Variants in CCDC91 observed in about 807,000 individuals in gnomAD.
CCDC91 encodes the protein coiled-coil domain containing 91, also known as coiled-coil domain-containing protein 91.
CCDC91 carries 48 observed loss-of-function variants against 63.2 expected under a neutral mutation model. The ratio of observed to expected loss-of-function variants is 0.76; its 90% confidence interval spans 0.60 to 0.97. The LOEUF is 0.97. Ranked by LOEUF, CCDC91 falls within the 50% of genes least tolerant of loss-of-function variation. The pLI, the probability that CCDC91 is intolerant of heterozygous loss-of-function variation, is 0.00. For missense variants in CCDC91, 500 were observed against 494.6 expected (o/e 1.01, Z -0.10); for synonymous variants, 167 against 165.8 (o/e 1.01, Z -0.06).
chr12:28,522,304 G>GGTGT (rs1940773605), intron 12 of CCDC91, among the ~76,000 whole-genome samples: 1 of 151,998 alleles, frequency 6.6e-6, no homozygotes, highest in East Asian at 1.9e-4. Flanking sequence ...GTCTTGGGAG[G>GGTGT]GTGTATGTGT....
At chr12:28,343,444 C>T (rs1942586544) in intron 6 of CCDC91, among the ~76,000 whole-genome samples, 1 of 151,862 alleles carries the variant, frequency 6.6e-6, no homozygotes, top group South Asian at 2.1e-4. Flanking sequence ...CTCAACTTTT[C>T]CTTACCAACT....
intron 6 of CCDC91, among the ~76,000 whole-genome samples, chr12:28,342,048 G>A (rs988428954): frequency 2.0e-5 from 3 of 152,132 alleles, no homozygotes; most frequent in African/African-American, 7.2e-5. Context: ...GGATTCCCCT[G>A]ATAGCCCCAG....
At chr12:28,412,926 A>G in intron 8 of CCDC91, 2 of 372,328 alleles carry the variant, frequency 5.4e-6, no homozygotes, top group Non-Finnish European at 1.1e-5. Flanking sequence ...CAATTCCACC[A>G]GGAAGAATAA....
intron 12 of CCDC91, among the ~76,000 whole-genome samples, chr12:28,539,848 G>T (rs1942496481): frequency 6.6e-6 from 1 of 152,046 alleles, no homozygotes; most frequent in South Asian, 2.1e-4. Context: ...ATTTTTGTTT[G>T]TTTGTTTAAG....
At chr12:28,421,562 C>A (rs1352274092) in intron 8 of CCDC91, among the ~76,000 whole-genome samples, 2 of 146,640 alleles carry the variant, frequency 1.4e-5, no homozygotes, top group Non-Finnish European at 3.0e-5. Flanking sequence ...TTTTTTATGT[C>A]TTTCTTTTTT....
At position 28,259,504 on chromosome 12, in the gene CCDC91, C is replaced by G. The variant is rs186131415; in HGVS notation, c.109+62C>G. 5,563 of 1,012,512 alleles carry G rather than the reference C, an allele frequency of 5.5e-3. 25 individuals are homozygous for G. Among genetic ancestry groups the G allele is most frequent in the Non-Finnish European group, 7.6e-3 (4,992 of 657,098 alleles). The allele number at this position is 1,012,512 out of a possible 1,614,324, so 62.7% of individuals were successfully genotyped here. ...TTTTCCCATGTAACATTTTTGGCAA[C>G]TCTTTGAAACCCTATTTCTCAACTT... On this transcript the variant is annotated intron_variant, in intron 3 of 12. Coordinates refer to ENST00000536442, the MANE Select transcript of CCDC91 (RefSeq NM_018318.5).
chr12:28,524,305 C>T (rs1351317364), intron 12 of CCDC91, among the ~76,000 whole-genome samples: 4 of 152,038 alleles, frequency 2.6e-5, no homozygotes, highest in Non-Finnish European at 5.9e-5. Flanking sequence ...CCTTGTATGC[C>T]AATTTTGCTG....
At chr12:28,449,647 G>T (rs1036890681) in intron 8 of CCDC91, among the ~76,000 whole-genome samples, 1 of 151,882 alleles carries the variant, frequency 6.6e-6, no homozygotes, top group African/African-American at 2.4e-5. Context: ...TCATTTCATA[G>T]ATTTAGTTTT....
chr12:28,273,107 C>G (rs1281706771), intron 3 of CCDC91, among the ~76,000 whole-genome samples: 1 of 150,572 alleles, frequency 6.6e-6, no homozygotes, highest in Non-Finnish European at 1.5e-5. Flanking sequence ...TCTTGTCCTT[C>G]TGATAGTTTG....
intron 8 of CCDC91, among the ~76,000 whole-genome samples, chr12:28,442,158 A>G (rs1022732577): frequency 5.3e-5 from 8 of 152,134 alleles, no homozygotes; most frequent in African/African-American, 1.2e-4. Flanking sequence ...ACCACAAACA[A>G]AAGAGGAATT....
chr12:28,485,499 A>T lies in CCDC91; in HGVS notation c.1215+1334A>T, dbSNP rs182630518. Among the ~76,000 whole-genome samples the T allele has an allele frequency of 3.2e-3, 490 of 152,106 alleles. 1 individual carries two copies. Among genetic ancestry groups the T allele is most frequent in the Non-Finnish European group, 5.6e-3 (382 of 67,966 alleles). On this transcript the variant is annotated intron_variant, in intron 12 of 12. Transcript: ENST00000536442. ...CTGTTAACTTGAAGTCAAATTTGGT[A>T]TGATACAAAGAAAATCCCCATCTCT...
chr12:28,466,618 A>G (rs527556030), intron 11 of CCDC91, among the ~76,000 whole-genome samples: 2 of 152,276 alleles, frequency 1.3e-5, no homozygotes, highest in African/African-American at 2.4e-5. Flanking sequence ...ATTCAGCAAA[A>G]TTATCCTTCA....
chr12:28,419,796 GC>G (rs1761540228), intron 8 of CCDC91, among the ~76,000 whole-genome samples: 2 of 148,718 alleles, frequency 1.3e-5, no homozygotes, highest in Non-Finnish European at 3.0e-5. Flanking sequence ...TCACTCCATC[GC>G]CCATGCTGGA....
At chr12:28,241,307 G>C (rs1945320615) in intron 1 of CCDC91, among the ~76,000 whole-genome samples, 1 of 152,098 alleles carries the variant, frequency 6.6e-6, no homozygotes, top group Non-Finnish European at 1.5e-5. Flanking sequence ...ACAAATTTCA[G>C]TAAATTGAGA....
In CCDC91 at chr12:28,296,544, G is replaced by A. The variant is rs185026647; in HGVS notation, c.110-9105G>A. On this transcript the variant is annotated intron_variant, in intron 3 of 12. Transcript: ENST00000536442. ...GTTCCTCCATCTTGGCCTTTTAAAA[G>A]CTATTATATATTTTTCCTTCAATTT... Among the ~76,000 whole-genome samples, 112 of 151,802 alleles carry A rather than the reference G, an allele frequency of 7.4e-4. 1 individual carries two copies. In the East Asian group the frequency reaches 0.017, roughly 24 times the overall value.
chr12:28,433,841 G>A (rs1948757461), intron 8 of CCDC91, among the ~76,000 whole-genome samples: 1 of 151,856 alleles, frequency 6.6e-6, no homozygotes, highest in Admixed American at 6.6e-5. Context: ...CATGATCTCA[G>A]AATATTTCTC....
At chr12:28,480,272 T>A (rs1406732448) in intron 11 of CCDC91, among the ~76,000 whole-genome samples, 3 of 152,040 alleles carry the variant, frequency 2.0e-5, no homozygotes, top group Non-Finnish European at 4.4e-5. Context: ...AGAGCTCACC[T>A]ATTTTTTTAA....
chr12:28,296,105 A>C (rs1278349168), intron 3 of CCDC91, among the ~76,000 whole-genome samples: 1 of 151,700 alleles, frequency 6.6e-6, no homozygotes, highest in Non-Finnish European at 1.5e-5. Context: ...CTGTGATATT[A>C]AAGAAGCAGT....
chr12:28,464,639 A>G (rs771636316), intron 11 of CCDC91, among the ~76,000 whole-genome samples: 1 of 152,092 alleles, frequency 6.6e-6, no homozygotes, highest in Non-Finnish European at 1.5e-5. Context: ...TCCTGACAGG[A>G]TTTATTCCCT....
Sources: gnomAD v4.1 joint callset for allele counts (sites outside exome capture counted in the v4.1 genomes callset) on GRCh38, gnomAD v4.1.1 for gene constraint, MANE v1.5 for transcripts, NCBI Gene and HGNC (gene_info 2026-07-23, HGNC 2026-07-21) for gene names.